FIP1L1: variants seen among roughly 807,000 people sequenced by gnomAD.
FIP1L1 encodes the protein factor interacting with PAPOLA and CPSF1.
FIP1L1 carries 21 observed loss-of-function variants against 84.6 expected under a neutral mutation model. That is an observed-to-expected ratio of 0.25 (90% CI 0.18 to 0.36). The LOEUF is 0.36. Ranked by LOEUF, FIP1L1 falls within the 10% of genes least tolerant of loss-of-function variation. FIP1L1 has a pLI of 1.00. For synonymous variants in FIP1L1, 263 were observed against 242.3 expected (o/e 1.09, Z -0.80); for missense variants, 526 against 751.1 (o/e 0.70, Z 3.50).
At chr4:53,435,026 A>ATT (rs1768488183) in intron 13 of FIP1L1, among the ~76,000 whole-genome samples, 1 of 152,226 alleles carries the variant, frequency 6.6e-6, no homozygotes, top group African/African-American at 2.4e-5. Context: ...ATTACCTCAA[A>ATT]TTAACTGGCA....
At chr4:53,437,475 T>G (rs1769901790) in intron 13 of FIP1L1, among the ~76,000 whole-genome samples, 2 of 152,022 alleles carry the variant, frequency 1.3e-5, no homozygotes, top group South Asian at 4.1e-4. Context: ...ATTTAGTCTG[T>G]ACTAAATTGC....
In FIP1L1 at chr4:53,385,780, C is replaced by T. The variant is rs114524853; in HGVS notation, c.332+1904C>T. On this transcript the variant is annotated intron_variant, in intron 5 of 17. Transcript: ENST00000337488. Reference sequence around the variant, plus strand: ...TTGCTTGAACTCATATCCCTCTATGCGTTTACCCATTTATCAGTTGATTTA... The same window carrying T: ...TTGCTTGAACTCATATCCCTCTATGTGTTTACCCATTTATCAGTTGATTTA... 2.5e-3 allele frequency among the ~76,000 whole-genome samples: 373 copies of T among 152,232 alleles called. 2 individuals are homozygous for T. Among genetic ancestry groups the T allele is most frequent in the Middle Eastern group, 0.024 (7 of 294 alleles).
intron 11 of FIP1L1, among the ~76,000 whole-genome samples, chr4:53,416,003 T>C (rs1004038138): frequency 6.6e-6 from 1 of 152,238 alleles, no homozygotes; most frequent in African/African-American, 2.4e-5. Context: ...GATTTATCTT[T>C]GTTTTCGAAC....
At chr4:53,459,043 TATA>T (rs900536840) in intron 17 of FIP1L1, among the ~76,000 whole-genome samples, 1 of 152,142 alleles carries the variant, frequency 6.6e-6, no homozygotes, top group African/African-American at 2.4e-5. Context: ...TACTGTATAT[TATA>T]ATATGCATTT....
intron 1 of FIP1L1, chr4:53,378,484 GAA>G (rs1735940701): frequency 6.6e-6 from 1 of 152,334 alleles, no homozygotes; most frequent in Non-Finnish European, 1.5e-5. Context: ...GAGAGAGAGA[GAA>G]AGATGGCCCA....
intron 15 of FIP1L1, among the ~76,000 whole-genome samples, chr4:53,444,558 C>T (rs1318094994): frequency 6.6e-6 from 1 of 152,100 alleles, no homozygotes; most frequent in Non-Finnish European, 1.5e-5. Context: ...TTCTTTTGCA[C>T]CTCTTGATCA....
intron 13 of FIP1L1, 120 bp downstream of exon 13, chr4:53,428,303 T>C: frequency 1.1e-6 from 1 of 925,026 alleles, no homozygotes; most frequent in East Asian, 2.7e-5. Context: ...AGATATAATA[T>C]CTTCAACAGA....
At chr4:53,417,761 ACACT>A (rs1760345025) in intron 11 of FIP1L1, among the ~76,000 whole-genome samples, 3 of 22,498 alleles carry the variant, frequency 1.3e-4, no homozygotes, top group African/African-American at 3.3e-4. Flanking sequence ...ACACACACAC[ACACT>A]CTCTCTCTCT....
At chr4:53,379,723 T>C (rs1736772359) in intron 3 of FIP1L1, among the ~76,000 whole-genome samples, 1 of 152,232 alleles carries the variant, frequency 6.6e-6, no homozygotes, top group South Asian at 2.1e-4. Flanking sequence ...CAAAATGTAA[T>C]TAGCTGATTT....
At chr4:53,389,368 CCTT>C (rs1742901807) in intron 5 of FIP1L1, among the ~76,000 whole-genome samples, 1 of 151,956 alleles carries the variant, frequency 6.6e-6, no homozygotes, top group Non-Finnish European at 1.5e-5. Flanking sequence ...ACTATTTTTC[CCTT>C]CTTAGCCTTA....
chr4:53,450,760 A>G (rs910805722), intron 15 of FIP1L1, among the ~76,000 whole-genome samples: 1 of 152,152 alleles, frequency 6.6e-6, no homozygotes, highest in Non-Finnish European at 1.5e-5. Context: ...TTAATCTCCC[A>G]TGATCATGGT....
intron 11 of FIP1L1, among the ~76,000 whole-genome samples, chr4:53,425,124 A>G (rs775995562): frequency 1.7e-4 from 26 of 152,086 alleles, no homozygotes; most frequent in Non-Finnish European, 1.9e-4. Flanking sequence ...TTCATTGCCT[A>G]TTTCTCCAAG....
intron 13 of FIP1L1, among the ~76,000 whole-genome samples, chr4:53,431,983 A>G (rs1486367313): frequency 6.6e-6 from 1 of 152,212 alleles, no homozygotes; most frequent in African/African-American, 2.4e-5. Flanking sequence ...TGGCCATAAT[A>G]GATTTGTATG....
intron 15 of FIP1L1, among the ~76,000 whole-genome samples, chr4:53,444,373 A>G (rs1193339130): frequency 6.6e-6 from 1 of 152,172 alleles, no homozygotes; most frequent in African/African-American, 2.4e-5. Context: ...TTTGTCACCA[A>G]TTTGTCTCAA....
chr4:53,444,230 G>A, intron 15 of FIP1L1, 127 bp downstream of exon 15: 1 of 597,192 alleles, frequency 1.7e-6, no homozygotes. Context: ...TTAACTACAG[G>A]AATGAGTGGT....
chr4:53,445,592 C>T (rs1423484369), intron 15 of FIP1L1, among the ~76,000 whole-genome samples: 5 of 152,094 alleles, frequency 3.3e-5, no homozygotes, highest in Non-Finnish European at 7.4e-5. Flanking sequence ...GGAAAAGGGC[C>T]TTGAGTCTTC....
At chr4:53,433,584 G>T (rs962991264) in intron 13 of FIP1L1, among the ~76,000 whole-genome samples, 2 of 151,644 alleles carry the variant, frequency 1.3e-5, no homozygotes, top group Non-Finnish European at 1.5e-5. Flanking sequence ...ATTTGTTTTT[G>T]TATGAACTCT....
chr4:53,444,444 A>G (rs1354708569), intron 15 of FIP1L1, among the ~76,000 whole-genome samples: 3 of 152,064 alleles, frequency 2.0e-5, no homozygotes, highest in Admixed American at 1.3e-4. Flanking sequence ...CCTTGTTTCC[A>G]TCTTTCTCCC....
At chr4:53,443,783 T>C (rs184291191) in intron 14 of FIP1L1, among the ~76,000 whole-genome samples, 1 of 152,180 alleles carries the variant, frequency 6.6e-6, no homozygotes, top group Non-Finnish European at 1.5e-5. Flanking sequence ...TCTATTACTT[T>C]ACTTGTAACT....
Sources: gnomAD v4.1 joint callset for allele counts (sites outside exome capture counted in the v4.1 genomes callset) on GRCh38, gnomAD v4.1.1 for gene constraint, MANE v1.5 for transcripts, NCBI Gene and HGNC (gene_info 2026-07-23, HGNC 2026-07-21) for gene names.